The following KCNJ10 variants were observed in gnomAD, a reference collection of about 807,000 sequenced individuals.
The protein encoded by KCNJ10 is potassium inwardly rectifying channel subfamily J member 10.
A neutral mutation model predicts 22.2 loss-of-function variants in KCNJ10; 9 were observed. The observed-to-expected ratio is 0.40, with a 90% CI of 0.24 to 0.71. The LOEUF is 0.71. KCNJ10 is among the 30% of genes least tolerant of loss of function. KCNJ10 has a pLI of 0.35. For missense variants in KCNJ10, 337 were observed against 482.7 expected, an observed-to-expected ratio of 0.70 and a Z score of 2.83; for synonymous variants, 184 against 187.3, an observed-to-expected ratio of 0.98 and a Z score of 0.15.
intron 1 of KCNJ10, among the ~76,000 whole-genome samples, chr1:160,069,294 A>G (rs1186675): frequency 0.89 from 136,073 of 152,216 alleles, 61,045 homozygotes; most frequent in African/African-American, 0.95. Context: ...TGAGAGGAGG[A>G]ATGGAATGGG....
chr1:160,063,243 A>G (rs1649243038), intron 1 of KCNJ10, among the ~76,000 whole-genome samples: 2 of 152,184 alleles, frequency 1.3e-5, no homozygotes, highest in African/African-American at 2.4e-5. Flanking sequence ...CCTCAGCACA[A>G]AGGGCAGGGC....
At position 160,042,205 on chromosome 1, in the gene KCNJ10, C is replaced by T; in HGVS notation, c.328G>A (p.Val110Ile). The T allele has an allele frequency of 6.2e-7, 1 of 1,612,994 alleles. No homozygotes were observed. Among genetic ancestry groups the T allele is most frequent in the South Asian group, 1.1e-5 (1 of 90,972 alleles). ...DPPANHTPCVVQVHTLTGAFL... is the reference protein window; with the variant it reads ...DPPANHTPCVIQVHTLTGAFL... ...GCTCCAGTGAGTGTGTGCACCTGTA[C>T]CACACAGGGGGTGTGGTTGGCCGGG... The change falls in exon 2 of 2, where the codon GTA (valine) becomes ATA (isoleucine). Residue 110 changes from valine (V) to isoleucine (I), a missense_variant. This residue lies in a region of KCNJ10 where 165 missense variants were observed against 281.5 expected (regional missense o/e 0.59). Transcript: ENST00000644903.
chr1:160,061,698 G>A (rs72704732), intron 1 of KCNJ10, among the ~76,000 whole-genome samples: 14,860 of 150,210 alleles, frequency 0.099, 948 homozygotes, highest in Middle Eastern at 0.21. Context: ...AAGGGCATGG[G>A]GGGGAGGGAC....
At chr1:160,049,483 C>G (rs1038813020) in intron 1 of KCNJ10, among the ~76,000 whole-genome samples, 1 of 151,552 alleles carries the variant, frequency 6.6e-6, no homozygotes. Flanking sequence ...GAGTCCAGTT[C>G]AAATAACCCC....
chr1:160,040,336 C>A lies in KCNJ10; in HGVS notation c.*1057G>T. ...GTGTTAACTTTCTGGGGAATCTGTGCCCTGTGAATCTAGTTTTACTTGAGC... is the reference window on the plus strand; with the variant it reads ...GTGTTAACTTTCTGGGGAATCTGTGACCTGTGAATCTAGTTTTACTTGAGC... On this transcript the variant is annotated 3_prime_UTR_variant, in exon 2 of 2. Coordinates refer to ENST00000644903, the MANE Select transcript of KCNJ10 (RefSeq NM_002241.5). 1 of 388,822 alleles carries A rather than the reference C, an allele frequency of 2.6e-6. No individual in the cohort carries two copies. The allele number at this position is 388,822 out of a possible 1,614,324, so 24.1% of individuals were successfully genotyped here.
Position 160,041,605 on chromosome 1 carries a change from CGT to C in KCNJ10, c.926_927del (p.Tyr309Ter). The C allele has an allele frequency of 6.2e-7, 1 of 1,614,142 alleles. No individual in the cohort carries two copies. The highest frequency in any genetic ancestry group is 8.5e-7 in the Non-Finnish European group (1 of 1,180,016). On this transcript the variant is annotated frameshift_variant, in exon 2 of 2. Transcript: ENST00000644903. LOFTEE classifies it high-confidence loss of function. This position sits in a 1 kb window ranked among gnomAD's most constrained non-coding sequence, Gnocchi z 4.4. ...GACAGTGAGATGGCAGGTGTGAACTCGTAGCCCCAAAGGATCTCCTCTGGCAG... is the reference window on the plus strand; with the variant it reads ...GACAGTGAGATGGCAGGTGTGAACTCAGCCCCAAAGGATCTCCTCTGGCAG... ...SYLPEEILWG[Y>X]EFTPAISLSA... is the part of the protein sequence containing the mutation.
chr1:160,047,684 C>A (rs1024083292), intron 1 of KCNJ10, among the ~76,000 whole-genome samples: 1 of 152,188 alleles, frequency 6.6e-6, no homozygotes, highest in Non-Finnish European at 1.5e-5. Flanking sequence ...CCATCCCTGC[C>A]CAGAATGGGT....
At chr1:160,043,760 G>A (rs1648673759) in intron 1 of KCNJ10, among the ~76,000 whole-genome samples, 1 of 152,222 alleles carries the variant, frequency 6.6e-6, no homozygotes, top group Non-Finnish European at 1.5e-5. Context: ...TATTTGTTCT[G>A]ATAGCAGAAA....
At chr1:160,053,524 G>A (rs11803947) in intron 1 of KCNJ10, among the ~76,000 whole-genome samples, 2,835 of 152,168 alleles carry the variant, frequency 0.019, 33 homozygotes, top group South Asian at 0.059. Context: ...TCATTAATCC[G>A]CCTCCTGTCT....
intron 1 of KCNJ10, among the ~76,000 whole-genome samples, chr1:160,054,288 G>C (rs1230778853): frequency 6.6e-6 from 1 of 152,178 alleles, no homozygotes; most frequent in Non-Finnish European, 1.5e-5. Context: ...CCTTTGTGAG[G>C]AGCTTGGCAC....
At chr1:160,067,252 T>C (rs1649342682) in intron 1 of KCNJ10, among the ~76,000 whole-genome samples, 1 of 152,154 alleles carries the variant, frequency 6.6e-6, no homozygotes, top group African/African-American at 2.4e-5. Context: ...CCTTTCTCTT[T>C]GCCCTTTCAA....
intron 1 of KCNJ10, among the ~76,000 whole-genome samples, chr1:160,063,057 G>C (rs886420955): frequency 1.1e-4 from 16 of 152,164 alleles, no homozygotes; most frequent in African/African-American, 3.9e-4. Context: ...AATGAGCCAG[G>C]ACTAGCTCTT....
At chr1:160,053,919 G>A (rs1217359001) in intron 1 of KCNJ10, among the ~76,000 whole-genome samples, 1 of 152,084 alleles carries the variant, frequency 6.6e-6, no homozygotes, top group African/African-American at 2.4e-5. Flanking sequence ...ACAAAAGATG[G>A]GGCCACATCA....
intron 1 of KCNJ10, among the ~76,000 whole-genome samples, chr1:160,057,753 T>C (rs1258059558): frequency 6.6e-6 from 1 of 152,090 alleles, no homozygotes; most frequent in Admixed American, 6.5e-5. Context: ...ACCTATTCCT[T>C]GGAGTCCCAG....
intron 1 of KCNJ10, among the ~76,000 whole-genome samples, chr1:160,060,910 G>T (rs1346312225): frequency 6.6e-6 from 1 of 152,166 alleles, no homozygotes; most frequent in Admixed American, 6.5e-5. Context: ...AAGGCTGTGG[G>T]GTTACTTTCC....
intron 1 of KCNJ10, among the ~76,000 whole-genome samples, chr1:160,057,366 A>G (rs890103154): frequency 2.6e-5 from 4 of 152,166 alleles, no homozygotes; most frequent in Non-Finnish European, 4.4e-5. Flanking sequence ...ATGATGCTCA[A>G]GTTACACCAT....
At chr1:160,053,762 T>C (rs1648958887) in intron 1 of KCNJ10, among the ~76,000 whole-genome samples, 1 of 152,136 alleles carries the variant, frequency 6.6e-6, no homozygotes, top group South Asian at 2.1e-4. Flanking sequence ...AAGAATAGGC[T>C]TTTCTTCTCT....
At position 160,042,262 on chromosome 1, in the gene KCNJ10, C is replaced by G; in HGVS notation, c.271G>C (p.Val91Leu). Reference protein sequence around the residue: ...LFGVVWYLVAVAHGDLLELDP... With the variant: ...LFGVVWYLVALAHGDLLELDP... ...AGCTCCAGCAGGTCCCCATGTGCCA[C>G]AGCTACCAGATACCACACCACGCCA... Residue 91 changes from valine (V) to leucine (L), a missense_variant, in exon 2 of 2, where the codon GTG becomes CTG. By Grantham distance (32) the Val-to-Leu change is conservative (BLOSUM62 1). This residue lies in a region of KCNJ10 where 107 missense variants were observed against 135.2 expected (regional missense o/e 0.79). Transcript: ENST00000644903. 6.2e-7 allele frequency: 1 copy of G among 1,614,138 alleles called. No homozygotes were observed. The highest frequency in any genetic ancestry group is 8.5e-7 in the Non-Finnish European group (1 of 1,179,982).
chr1:160,069,714 T>A (rs904070489), intron 1 of KCNJ10, among the ~76,000 whole-genome samples: 2 of 152,166 alleles, frequency 1.3e-5, no homozygotes, highest in Non-Finnish European at 2.9e-5. Context: ...TGTGTGGTTG[T>A]CACTGTATTA....
Sources: allele counts gnomAD v4.1 joint callset (sites outside exome capture counted in the v4.1 genomes callset), GRCh38; gene constraint gnomAD v4.1.1; regional missense constraint gnomAD v4.1.1; non-coding constraint Gnocchi (gnomAD v3.1); transcripts MANE v1.5; gene names NCBI Gene and HGNC (gene_info 2026-07-23, HGNC 2026-07-21).